The following UBXN2A variants were observed in gnomAD, a reference collection of about 807,000 sequenced individuals.
The protein encoded by UBXN2A is UBX domain-containing protein 2A.
In UBXN2A, 28 loss-of-function variants were observed where a neutral mutation model predicts 28.4. That is an observed-to-expected ratio of 0.99 (90% CI 0.73 to 1.35). The LOEUF (loss-of-function observed/expected upper bound fraction) is 1.35, where lower values mean the gene tolerates loss of function less well. UBXN2A is among the 40% of genes most tolerant of loss of function. The pLI is 0.00. For synonymous variants in UBXN2A, 97 were observed against 103.6 expected, an observed-to-expected ratio of 0.94 and a Z score of 0.39; for missense variants, 253 against 297.9, an observed-to-expected ratio of 0.85 and a Z score of 1.11.
chr2:23,931,290 T>C (rs1558829960), intron 1 of UBXN2A, among the ~76,000 whole-genome samples: 1 of 151,624 alleles, frequency 6.6e-6, no homozygotes, highest in Non-Finnish European at 1.5e-5. Flanking sequence ...CTACTGAAAA[T>C]ACAAAAATGA....
chr2:23,991,968 T>C (rs1312435963), intron 6 of UBXN2A, among the ~76,000 whole-genome samples: 1 of 151,444 alleles, frequency 6.6e-6, no homozygotes, highest in Non-Finnish European at 1.5e-5. Flanking sequence ...ATTTTTGGGG[T>C]TTTTTGTTTT....
chr2:23,942,067 G>A (rs1231307683), intron 1 of UBXN2A, among the ~76,000 whole-genome samples: 3 of 152,048 alleles, frequency 2.0e-5, no homozygotes, highest in Admixed American at 6.6e-5. Flanking sequence ...GTGACAGAGC[G>A]GGACTCCATC....
At chr2:23,962,287 G>A (rs1188886876) in intron 2 of UBXN2A, among the ~76,000 whole-genome samples, 1 of 152,132 alleles carries the variant, frequency 6.6e-6, no homozygotes, top group East Asian at 1.9e-4. Flanking sequence ...CCTTATTTAT[G>A]CAGAACACAG....
chr2:23,933,729 AAAAAACAAAAAC>A (rs1705443604), intron 1 of UBXN2A, among the ~76,000 whole-genome samples: 1 of 151,942 alleles, frequency 6.6e-6, no homozygotes. Context: ...CTCAAAAGAA[AAAAAACAAAAAC>A]AGAAACAAAA....
chr2:23,952,128 G>C (rs927836041), intron 1 of UBXN2A, among the ~76,000 whole-genome samples: 1 of 151,644 alleles, frequency 6.6e-6, no homozygotes. Context: ...CATCACACCC[G>C]CCTAATTTTT....
chr2:23,966,400 G>T (rs1707165951), intron 2 of UBXN2A, among the ~76,000 whole-genome samples: 1 of 151,472 alleles, frequency 6.6e-6, no homozygotes, highest in South Asian at 2.1e-4. Flanking sequence ...CTCCCAAAGT[G>T]CTAGGATTAC....
At chr2:23,938,140 T>C (rs908838834), upstream of UBXN2A, among the ~76,000 whole-genome samples, 5 of 152,174 alleles carry the variant, frequency 3.3e-5, no homozygotes, top group African/African-American at 1.2e-4. Context: ...ACTTTATATA[T>C]AAAGTGAGTC....
intron 1 of UBXN2A, among the ~76,000 whole-genome samples, chr2:23,929,028 A>G (rs1329915744): frequency 6.6e-6 from 1 of 152,074 alleles, no homozygotes; most frequent in East Asian, 1.9e-4. Flanking sequence ...TGTAGCTCAC[A>G]CCTGTATTCT....
chr2:23,963,471 C>CA (rs563195167), intron 2 of UBXN2A, among the ~76,000 whole-genome samples: 24,090 of 101,962 alleles, frequency 0.24, 2,112 homozygotes, highest in Middle Eastern at 0.34. Flanking sequence ...GACAGTGTCT[C>CA]AAAAAAAAAA....
At chr2:23,982,479 G>A (rs1273740962) in intron 4 of UBXN2A, among the ~76,000 whole-genome samples, 1 of 151,766 alleles carries the variant, frequency 6.6e-6, no homozygotes, top group Non-Finnish European at 1.5e-5. Flanking sequence ...CATGACTTTA[G>A]TACTATTTTA....
At chr2:23,983,507 CA>C (rs1052754164) in intron 5 of UBXN2A, among the ~76,000 whole-genome samples, 5 of 149,736 alleles carry the variant, frequency 3.3e-5, no homozygotes, top group Non-Finnish European at 7.4e-5. Context: ...AACTCTGTCT[CA>C]AAAAAAAAGA....
At chr2:23,945,956 G>A (rs750295402) in intron 1 of UBXN2A, among the ~76,000 whole-genome samples, 10 of 151,260 alleles carry the variant, frequency 6.6e-5, no homozygotes, top group Admixed American at 2.0e-4. Flanking sequence ...TCAGCCTCCC[G>A]AGTAGCTGGG....
intron 1 of UBXN2A, among the ~76,000 whole-genome samples, chr2:23,951,413 G>GAGATAT (rs1706353251): frequency 9.1e-6 from 1 of 109,908 alleles, no homozygotes; most frequent in Non-Finnish European, 1.8e-5. Context: ...CAGTAAGATG[G>GAGATAT]ATATATATAT....
chr2:23,992,760 A>G (rs998296566), intron 6 of UBXN2A, among the ~76,000 whole-genome samples: 3 of 152,200 alleles, frequency 2.0e-5, no homozygotes, highest in Admixed American at 1.3e-4. Flanking sequence ...ACTCTGCCTG[A>G]TATTAATATG....
intron 1 of UBXN2A, among the ~76,000 whole-genome samples, chr2:23,932,182 G>T (rs915820503): frequency 6.6e-6 from 1 of 151,704 alleles, no homozygotes; most frequent in South Asian, 2.1e-4. Context: ...GCCAGGCATG[G>T]TAGTGGGCAC....
At chr2:23,944,376 T>TA in intron 1 of UBXN2A, 2 of 1,399,960 alleles carry the variant, frequency 1.4e-6, no homozygotes, top group Non-Finnish European at 2.0e-6. Context: ...CAGCATCATC[T>TA]TCCTACACAT....
At chr2:23,951,413 G>GATATATATAT (rs57701448) in intron 1 of UBXN2A, among the ~76,000 whole-genome samples, 44 of 109,868 alleles carry the variant, frequency 4.0e-4, no homozygotes, top group African/African-American at 6.6e-4. Context: ...CAGTAAGATG[G>GATATATATAT]ATATATATAT....
chr2:23,974,619 T>C (rs1707576249), intron 3 of UBXN2A, among the ~76,000 whole-genome samples: 1 of 152,130 alleles, frequency 6.6e-6, no homozygotes, highest in South Asian at 2.1e-4. Context: ...GTGCTGGGAT[T>C]ACAGACGCGA....
chr2:23,928,804 T>TATTCTG (rs1243856028), intron 1 of UBXN2A, among the ~76,000 whole-genome samples: 5 of 152,186 alleles, frequency 3.3e-5, no homozygotes, highest in Admixed American at 6.5e-5. Context: ...GGAACCAGTA[T>TATTCTG]GGATTCCAGA....
Sources: allele counts gnomAD v4.1 joint callset (sites outside exome capture counted in the v4.1 genomes callset), GRCh38; gene constraint gnomAD v4.1.1; transcripts MANE v1.5; gene names NCBI Gene and HGNC (gene_info 2026-07-23, HGNC 2026-07-21).